Variants in CRYL1 observed in about 807,000 individuals in gnomAD.
CRYL1 encodes crystallin lambda 1, also known as lambda-crystallin homolog.
CRYL1 carries 29 observed loss-of-function variants against 36.6 expected under a neutral mutation model. That is an observed-to-expected ratio of 0.79 (90% CI 0.59 to 1.08). The LOEUF is 1.08. Among genes scored for constraint, CRYL1 ranks in the 50% least tolerant of loss-of-function variants. The pLI is 0.00. For missense variants in CRYL1, 411 were observed against 407.9 expected (o/e 1.01, Z -0.06); for synonymous variants, 152 against 151.5 (o/e 1.00, Z -0.02).
rs553076472 is a variant in CRYL1 at position 20,521,176 on chromosome 13, A to C, written c.41+4578T>G. ...AAGGAAGGAACGAACGAACGAAAAAAAGAAAGAAAGAAAGGAAATAAATTG... is the reference window on the plus strand; with the variant it reads ...AAGGAAGGAACGAACGAACGAAAAACAGAAAGAAAGAAAGGAAATAAATTG... On this transcript the variant is annotated intron_variant, in intron 1 of 7. Transcript: ENST00000298248. Among the ~76,000 whole-genome samples, 3 of 151,888 alleles carry C rather than the reference A, an allele frequency of 2.0e-5. No homozygotes were observed. The East Asian group carries it at 5.8e-4, about 29-fold the overall frequency.
intron 3 of CRYL1, among the ~76,000 whole-genome samples, chr13:20,448,131 C>G (rs2032494994): frequency 1.3e-5 from 2 of 152,270 alleles, no homozygotes; most frequent in South Asian, 4.1e-4. Context: ...AATGCTAAAA[C>G]TGAAAAACAA....
intron 1 of CRYL1, among the ~76,000 whole-genome samples, chr13:20,519,605 A>AAAGGG (rs142626789): frequency 3.5e-5 from 5 of 141,608 alleles, no homozygotes; most frequent in Non-Finnish European, 7.6e-5. Context: ...TTGGGAAGGG[A>AAAGGG]AGGGGAGGGG....
At chr13:20,449,604 C>A (rs1456651304) in intron 3 of CRYL1, among the ~76,000 whole-genome samples, 1 of 150,776 alleles carries the variant, frequency 6.6e-6, no homozygotes, top group Non-Finnish European at 1.5e-5. Context: ...CTAGCCAGAG[C>A]AATCCAGGAA....
chr13:20,431,510 G>A, intron 5 of CRYL1: 1 of 998,464 alleles, frequency 1.0e-6, no homozygotes, highest in South Asian at 4.4e-5. Context: ...AGGCACCACG[G>A]CCCCTCATGC....
At chr13:20,499,300 C>T (rs909226866) in intron 2 of CRYL1, among the ~76,000 whole-genome samples, 3 of 147,708 alleles carry the variant, frequency 2.0e-5, no homozygotes, top group Non-Finnish European at 3.0e-5. Flanking sequence ...GAGCCAAGAT[C>T]GCATCAGTGC....
intron 3 of CRYL1, among the ~76,000 whole-genome samples, chr13:20,479,281 G>C (rs74036391): frequency 6.6e-6 from 1 of 152,204 alleles, no homozygotes; most frequent in Admixed American, 6.5e-5. Context: ...TGGCAAGCTT[G>C]AAATCCAACT....
intron 4 of CRYL1, among the ~76,000 whole-genome samples, chr13:20,438,842 T>G (rs1296550843): frequency 6.6e-6 from 1 of 152,212 alleles, no homozygotes; most frequent in Non-Finnish European, 1.5e-5. Flanking sequence ...AAGGTCACAC[T>G]GAGCTCGCAG....
chr13:20,489,618 C>T, intron 2 of CRYL1, 122 bp from the exon 3 acceptor site: 1 of 1,196,890 alleles, frequency 8.4e-7, no homozygotes, highest in Non-Finnish European at 1.2e-6. Flanking sequence ...TACCACCTCA[C>T]ACCCATTAGG....
At chr13:20,442,772 T>TTTGG (rs1348599128) in intron 3 of CRYL1, among the ~76,000 whole-genome samples, 9 of 152,220 alleles carry the variant, frequency 5.9e-5, no homozygotes, top group African/African-American at 1.9e-4. Flanking sequence ...CACTGACTTT[T>TTTGG]GTTTGTTTGG....
chr13:20,441,932 GA>G (rs898842634), intron 3 of CRYL1, among the ~76,000 whole-genome samples: 40 of 148,938 alleles, frequency 2.7e-4, no homozygotes, highest in Middle Eastern at 3.4e-3. Flanking sequence ...CTCAAAGACA[GA>G]AAAAAAAAAT....
intron 1 of CRYL1, among the ~76,000 whole-genome samples, chr13:20,514,180 T>G (rs2033963165): frequency 6.6e-6 from 1 of 152,202 alleles, no homozygotes; most frequent in Non-Finnish European, 1.5e-5. Context: ...AGTGACCTCC[T>G]TCCAAAAAGC....
intron 3 of CRYL1, among the ~76,000 whole-genome samples, chr13:20,469,603 A>G (rs1204144854): frequency 6.6e-6 from 1 of 152,218 alleles, no homozygotes; most frequent in Admixed American, 6.5e-5. Context: ...TCCTTCCTCT[A>G]GAATTCTCTT....
intron 4 of CRYL1, among the ~76,000 whole-genome samples, chr13:20,433,348 C>T (rs2032118197): frequency 6.6e-6 from 1 of 152,216 alleles, no homozygotes; most frequent in African/African-American, 2.4e-5. Flanking sequence ...CTGGCCTGAG[C>T]ACTGAGCCAA....
At chr13:20,518,731 T>A (rs1189970419) in intron 1 of CRYL1, among the ~76,000 whole-genome samples, 1 of 152,040 alleles carries the variant, frequency 6.6e-6, no homozygotes, top group Non-Finnish European at 1.5e-5. Flanking sequence ...TGGTGCCCGA[T>A]GCGATGGGAG....
intron 6 of CRYL1, among the ~76,000 whole-genome samples, chr13:20,409,164 GGAACA>G (rs1414967448): frequency 1.1e-4 from 17 of 151,586 alleles, no homozygotes; most frequent in Admixed American, 1.1e-3. Context: ...ATAGATCAAT[GGAACA>G]GAACAGAGCC....
chr13:20,516,030 A>G (rs2033991645), intron 1 of CRYL1, among the ~76,000 whole-genome samples: 1 of 152,026 alleles, frequency 6.6e-6, no homozygotes, highest in South Asian at 2.1e-4. Context: ...CATCTCTACT[A>G]AAAATACAAA....
intron 1 of CRYL1, among the ~76,000 whole-genome samples, chr13:20,517,594 T>C (rs1364253186): frequency 2.1e-5 from 3 of 145,712 alleles, no homozygotes; most frequent in Admixed American, 1.4e-4. Flanking sequence ...AAACTCCATC[T>C]CAAAAAAATA....
In CRYL1 at chr13:20,516,776, G is replaced by A. The variant is rs115444174; in HGVS notation, c.42-4226C>T. 5.6e-3 allele frequency among the ~76,000 whole-genome samples: 851 copies of A among 152,222 alleles called. 5 individuals carry two copies. The highest frequency in any genetic ancestry group is 0.02 in the African/African-American group (812 of 41,532). On this transcript the variant is annotated intron_variant, in intron 1 of 7. Transcript: ENST00000298248. ...ATTACAGGCGTCAGCCACCACGCCC[G>A]GCCAAAAGATAATTTTGAACAGGCC...
At chr13:20,450,415 C>T (rs36078334) in intron 3 of CRYL1, among the ~76,000 whole-genome samples, 6,982 of 152,184 alleles carry the variant, frequency 0.046, 337 homozygotes, top group Admixed American at 0.16. Flanking sequence ...AAACACCTAC[C>T]TTTCACCATA....
Sources: allele counts gnomAD v4.1 joint callset (sites outside exome capture counted in the v4.1 genomes callset), GRCh38; gene constraint gnomAD v4.1.1; transcripts MANE v1.5; gene names NCBI Gene and HGNC (gene_info 2026-07-23, HGNC 2026-07-21).